SLC6A11: variants seen among roughly 807,000 people sequenced by gnomAD.
The protein encoded by SLC6A11 is solute carrier family 6 member 11.
SLC6A11 carries 25 observed loss-of-function variants against 74.8 expected under a neutral mutation model. The ratio of observed to expected loss-of-function variants is 0.33; its 90% CI spans 0.24 to 0.47. The LOEUF (loss-of-function observed/expected upper bound fraction) is 0.47, where lower values mean the gene tolerates loss of function less well. Ranked by LOEUF, SLC6A11 falls within the 20% of genes least tolerant of loss-of-function variation. SLC6A11 has a pLI of 1.00. For missense variants in SLC6A11, 574 were observed against 837.0 expected, an observed-to-expected ratio of 0.69 and a Z score of 3.88; for synonymous variants, 330 against 330.2, an observed-to-expected ratio of 1.00 and a Z score of 0.01.
chr3:10,934,408 G>A (rs1695731851), intron 12 of SLC6A11, among the ~76,000 whole-genome samples: 1 of 152,178 alleles, frequency 6.6e-6, no homozygotes, highest in South Asian at 2.1e-4. Context: ...CCCTTCTCAG[G>A]ACGTCAGGTG....
chr3:10,902,549 A>G (rs371552259), intron 6 of SLC6A11, among the ~76,000 whole-genome samples: 2 of 152,350 alleles, frequency 1.3e-5, no homozygotes, highest in South Asian at 4.1e-4. Context: ...CACACTTTAC[A>G]TTCATTATGT....
chr3:10,834,464 A>G (rs979163566), intron 4 of SLC6A11, among the ~76,000 whole-genome samples: 1 of 151,798 alleles, frequency 6.6e-6, no homozygotes, highest in South Asian at 2.1e-4. Flanking sequence ...CAGCAACAAC[A>G]ATGTAAGCCC....
At chr3:10,886,162 G>A (rs978373155) in intron 6 of SLC6A11, among the ~76,000 whole-genome samples, 7 of 152,206 alleles carry the variant, frequency 4.6e-5, no homozygotes, top group Admixed American at 1.3e-4. Context: ...TGAAAATAGT[G>A]GTTTCCGTTA....
rs548043113 is a variant in SLC6A11, at chr3:10,820,417, C to G, written c.532+565C>G. On this transcript the variant is annotated intron_variant, in intron 3 of 13. Coordinates refer to ENST00000254488, the MANE Select transcript of SLC6A11 (RefSeq NM_014229.3). ...ACTTAAACGATCTGGTGACACCAGA[C>G]CCACCTTCCTGCTTGACAGCAGTGG... Among the ~76,000 whole-genome samples, 6 of 152,310 alleles carry G rather than the reference C, an allele frequency of 3.9e-5. 1 individual carries two copies. In the South Asian group the frequency reaches 1.2e-3, roughly 32 times the overall value.
chr3:10,840,921 A>G (rs949619426), intron 4 of SLC6A11, among the ~76,000 whole-genome samples: 2 of 152,182 alleles, frequency 1.3e-5, no homozygotes, highest in African/African-American at 4.8e-5. Flanking sequence ...GGTAGGTATC[A>G]TTATTCCCAT....
At chr3:10,829,574 CG>C (rs1033423928) in intron 4 of SLC6A11, among the ~76,000 whole-genome samples, 1 of 152,084 alleles carries the variant, frequency 6.6e-6, no homozygotes, top group Admixed American at 6.5e-5. Context: ...TAGATGTTAG[CG>C]GCAAGTTCTA....
intron 5 of SLC6A11, among the ~76,000 whole-genome samples, chr3:10,866,967 C>T (rs1476275122): frequency 6.6e-6 from 1 of 152,028 alleles, no homozygotes; most frequent in Non-Finnish European, 1.5e-5. Context: ...GTGTTCTTTC[C>T]TGGGAATGCA....
At chr3:10,894,760 A>G (rs144542484) in intron 6 of SLC6A11, among the ~76,000 whole-genome samples, 150 of 152,260 alleles carry the variant, frequency 9.9e-4, no homozygotes, top group African/African-American at 3.5e-3. Flanking sequence ...ACAATCAATC[A>G]TGTGTACTTG....
chr3:10,873,295 A>G (rs867686999), intron 5 of SLC6A11, among the ~76,000 whole-genome samples: 1 of 151,538 alleles, frequency 6.6e-6, no homozygotes, highest in Non-Finnish European at 1.5e-5. Flanking sequence ...ACCAAGCCCA[A>G]ATGGTTCCAG....
At chr3:10,911,136 G>C (rs949215038) in intron 6 of SLC6A11, among the ~76,000 whole-genome samples, 6 of 152,188 alleles carry the variant, frequency 3.9e-5, no homozygotes, top group Non-Finnish European at 5.9e-5. Flanking sequence ...CCGGGTTGCC[G>C]TGAATATTCA....
chr3:10,898,147 A>T (rs1256030023), intron 6 of SLC6A11, among the ~76,000 whole-genome samples: 2 of 152,174 alleles, frequency 1.3e-5, no homozygotes, highest in African/African-American at 2.4e-5. Context: ...AGACCAGCCC[A>T]GGACACCATT....
chr3:10,918,275 C>T lies in SLC6A11; in HGVS notation c.996-54C>T, dbSNP rs541857423. 3.8e-5 allele frequency: 57 copies of T among 1,494,672 alleles called. No homozygotes were observed. The highest frequency in any genetic ancestry group is 9.8e-5 in the Admixed American group (4 of 41,022). 92.6% of individuals were successfully genotyped at this position (1,494,672 alleles called of 1,614,324 possible). A position where few individuals can be genotyped will look rare whatever the true frequency, so the allele number is the denominator to read the frequency against. On this transcript the variant is annotated intron_variant, in intron 7 of 13. Transcript: ENST00000254488. The surrounding 1 kb of genome is among the most constrained non-coding windows in gnomAD (Gnocchi z 4.5). ...GTGCTCGGGTGGAGAACGTTTGAGC[C>T]GTGCACCGGTTCTGCCCGCTCTGAC...
chr3:10,935,097 C>G lies in SLC6A11; in HGVS notation c.1644C>G (p.Ala548=). The change falls in exon 13 of 14, where the codon GCC becomes GCG. Residue 548 remains alanine, a synonymous_variant. Coordinates refer to ENST00000254488, the MANE Select transcript of SLC6A11 (RefSeq NM_014229.3). ...ACAACAACATCTACACCTACCCAGC[C>G]TGGGGCTATGGCATTGGCTGGCTCA... The part of the protein sequence containing the change: ...LKYNNIYTYP[A]WGYGIGWLMA... The G allele has an allele frequency of 6.2e-7, 1 of 1,614,148 alleles. No homozygotes were observed. Among genetic ancestry groups the G allele is most frequent in the Non-Finnish European group, 8.5e-7 (1 of 1,179,962 alleles).
intron 6 of SLC6A11, among the ~76,000 whole-genome samples, chr3:10,887,389 A>G (rs1183655854): frequency 6.6e-6 from 1 of 152,166 alleles, no homozygotes; most frequent in East Asian, 1.9e-4. Flanking sequence ...ATCAGAGAAG[A>G]ACAACATTAT....
intron 8 of SLC6A11, among the ~76,000 whole-genome samples, chr3:10,924,000 C>T (rs1044991173): frequency 3.9e-5 from 6 of 152,040 alleles, no homozygotes; most frequent in Admixed American, 2.0e-4. Context: ...AAAACAACAA[C>T]CAGAACTCAT....
At chr3:10,851,464 A>C (rs1242419454) in intron 5 of SLC6A11, among the ~76,000 whole-genome samples, 1 of 151,254 alleles carries the variant, frequency 6.6e-6, no homozygotes, top group African/African-American at 2.4e-5. Flanking sequence ...AGCTGCAAAG[A>C]GCCTTGAATT....
intron 6 of SLC6A11, among the ~76,000 whole-genome samples, chr3:10,905,446 C>T (rs1371470158): frequency 2.6e-5 from 4 of 152,226 alleles, no homozygotes; most frequent in Non-Finnish European, 2.9e-5. Flanking sequence ...CTTAATATCA[C>T]AAATCATTGG....
At chr3:10,866,042 C>G (rs938548625) in intron 5 of SLC6A11, among the ~76,000 whole-genome samples, 1 of 152,202 alleles carries the variant, frequency 6.6e-6, no homozygotes, top group Non-Finnish European at 1.5e-5. Context: ...GAAGCATAAA[C>G]AGGATAGTTT....
At chr3:10,912,232 C>T (rs371678713) in intron 7 of SLC6A11, 39 bp downstream of exon 7, 4 of 1,319,834 alleles carry the variant, frequency 3.0e-6, no homozygotes, top group Non-Finnish European at 4.4e-6. Flanking sequence ...CTCCACCAAA[C>T]CCTGAGAGCC....
Sources: allele counts gnomAD v4.1 joint callset (sites outside exome capture counted in the v4.1 genomes callset), GRCh38; gene constraint gnomAD v4.1.1; non-coding constraint Gnocchi (gnomAD v3.1); transcripts MANE v1.5; gene names NCBI Gene and HGNC (gene_info 2026-07-23, HGNC 2026-07-21).